Variants in SLCO1B1 observed in about 807,000 individuals in gnomAD.
SLCO1B1 encodes the protein OATP-2.
A neutral mutation model predicts 70.1 loss-of-function variants in SLCO1B1; 81 were observed. That is an observed-to-expected ratio of 1.16 (90% CI 0.97 to 1.39). SLCO1B1 has a LOEUF of 1.39. Ranked by LOEUF, SLCO1B1 falls within the 40% of genes most tolerant of loss-of-function variation. The pLI, the probability that SLCO1B1 is intolerant of heterozygous loss-of-function variation, is 0.00. For missense variants in SLCO1B1, 895 were observed against 799.6 expected (o/e 1.12, Z -1.44); for synonymous variants, 283 against 271.5 (o/e 1.04, Z -0.42).
chr12:21,217,584 C>T (rs1044519521), intron 12 of SLCO1B1, among the ~76,000 whole-genome samples: 4 of 152,022 alleles, frequency 2.6e-5, no homozygotes, highest in African/African-American at 9.7e-5. Flanking sequence ...AAAGAATCGC[C>T]CTAGGATCCT....
chr12:21,167,309 A>G (rs1940698370), intron 2 of SLCO1B1, among the ~76,000 whole-genome samples: 1 of 152,238 alleles, frequency 6.6e-6, no homozygotes. Context: ...AGCTGAGTAT[A>G]AAAGAACCTA....
chr12:21,223,168 T>G (rs1279500776), intron 13 of SLCO1B1, among the ~76,000 whole-genome samples: 2 of 152,180 alleles, frequency 1.3e-5, no homozygotes, highest in Admixed American at 6.5e-5. Flanking sequence ...GAGTAAAATT[T>G]TTTTTAGCAA....
intron 11 of SLCO1B1, among the ~76,000 whole-genome samples, chr12:21,214,427 C>A (rs535112414): frequency 6.8e-6 from 1 of 147,340 alleles, no homozygotes; most frequent in African/African-American, 2.6e-5. Context: ...GTTCTCAGAT[C>A]TCCAGCTGCG....
Position 21,172,903 on chromosome 12 carries a change from A to G in SLCO1B1, c.226+112A>G, listed in dbSNP as rs1218182782. On this transcript the variant is annotated intron_variant, in intron 3 of 14. Transcript: ENST00000256958. ...ATTTATCTCTCACAGGCAATTTGGC[A>G]ATAACTAAAAACATTTGTGGTTGTC... The G allele has an allele frequency of 5.0e-6, 5 of 997,386 alleles. 1 individual carries two copies. The highest frequency in any genetic ancestry group is 2.1e-5 in the Admixed American group (1 of 46,816). 61.8% of individuals were successfully genotyped at this position (997,386 alleles called of 1,614,324 possible).
chr12:21,209,186 C>T (rs982335503), intron 11 of SLCO1B1, among the ~76,000 whole-genome samples: 1 of 151,784 alleles, frequency 6.6e-6, no homozygotes, highest in Non-Finnish European at 1.5e-5. Context: ...TTAGGTATAT[C>T]TCCCAATGCT....
In SLCO1B1 at chr12:21,206,180, G is replaced by A. The variant is rs1325772281; in HGVS notation, c.1497+147G>A. On this transcript the variant is annotated intron_variant, in intron 11 of 14. Transcript: ENST00000256958. ...TATTATCTGTTATTGTGATGGGTGT[G>A]ATGTATAAACAAAGTTTTATATAAA... 6 of 679,006 alleles carry A rather than the reference G, an allele frequency of 8.8e-6. No homozygotes were observed. In the African/African-American group the frequency reaches 9.1e-5, roughly 10 times the overall value. 42.1% of individuals were successfully genotyped at this position (679,006 alleles called of 1,614,324 possible).
chr12:21,187,083 G>C lies in SLCO1B1; in HGVS notation c.727+8063G>C, dbSNP rs191803705. Reference sequence around the variant, plus strand: ...GCATGAGCAGGTTTTTAATGCAGATGAAAGTGTCCTATCCTGGGGAAAAGA... The same window carrying C: ...GCATGAGCAGGTTTTTAATGCAGATCAAAGTGTCCTATCCTGGGGAAAAGA... On this transcript the variant is annotated intron_variant, in intron 7 of 14. Transcript: ENST00000256958. Among the ~76,000 whole-genome samples, 319 of 152,240 alleles carry C rather than the reference G, an allele frequency of 2.1e-3. 1 individual carries two copies. Among genetic ancestry groups the C allele is most frequent in the African/African-American group, 7.3e-3 (304 of 41,542 alleles).
At position 21,222,331 on chromosome 12, in the gene SLCO1B1, C is replaced by T. The variant is rs1941431109; in HGVS notation, c.1714C>T (p.Leu572=). The change falls in exon 13 of 15, where the codon CTG becomes TTG. Residue 572 remains leucine, a synonymous_variant. Coordinates refer to ENST00000256958, the MANE Select transcript of SLCO1B1 (RefSeq NM_006446.5). ...IVQPELKSLA[L]GFHSMVIRAL... ...TCAACCTGAATTGAAATCACTTGCACTGGGTTTCCACTCAATGGTTATACG... is the reference window on the plus strand; with the variant it reads ...TCAACCTGAATTGAAATCACTTGCATTGGGTTTCCACTCAATGGTTATACG... The T allele has an allele frequency of 9.6e-7, 1 of 1,040,060 alleles. No homozygotes were observed. Among genetic ancestry groups the T allele is most frequent in the Non-Finnish European group, 1.3e-6 (1 of 765,824 alleles). 64.4% of individuals were successfully genotyped at this position (1,040,060 alleles called of 1,614,324 possible).
At chr12:21,208,733 G>A (rs938015732) in intron 11 of SLCO1B1, among the ~76,000 whole-genome samples, 1 of 152,040 alleles carries the variant, frequency 6.6e-6, no homozygotes, top group Non-Finnish European at 1.5e-5. Flanking sequence ...ACAGTTTAAT[G>A]ATAATTTTTC....
At position 21,230,412 on chromosome 12, in the gene SLCO1B1, C is replaced by A. The variant is rs573519664; in HGVS notation, c.1865+5573C>A. ...ATGGTGCGATCATGGCTCACCGCAA[C>A]CTCCGCTTCCCAGGTTCAAGCGATT... On this transcript the variant is annotated intron_variant, in intron 14 of 14. Coordinates refer to ENST00000256958, the MANE Select transcript of SLCO1B1 (RefSeq NM_006446.5). 2.8e-5 allele frequency among the ~76,000 whole-genome samples: 4 copies of A among 144,982 alleles called. No homozygotes were observed. The Admixed American group carries it at 2.9e-4, about 10-fold the overall frequency.
chr12:21,221,984 C>T (rs989156346), intron 12 of SLCO1B1, among the ~76,000 whole-genome samples: 2 of 151,832 alleles, frequency 1.3e-5, no homozygotes, highest in African/African-American at 4.8e-5. Flanking sequence ...GACTAGACCA[C>T]AAAAAATCAG....
At chr12:21,230,323 CTTTTTTTT>C (rs745494878) in intron 14 of SLCO1B1, among the ~76,000 whole-genome samples, 2 of 70,256 alleles carry the variant, frequency 2.8e-5, no homozygotes, top group African/African-American at 1.1e-4. Context: ...CTGTAGTATT[CTTTTTTTT>C]TTTTTTTTTT....
chr12:21,178,607 G>A lies in SLCO1B1; in HGVS notation c.513G>A (p.Trp171Ter), dbSNP rs909027126. The change falls in exon 6 of 15, where the codon TGG becomes TGA. Residue 171 changes from tryptophan (W) to a stop codon, truncating the protein, a stop_gained. Transcript: ENST00000256958. LOFTEE classifies it high-confidence loss of function. ...TAAAGGAATCTGGGTCATACATGTG[G>A]ATATATGTGTTCATGGGTAATATGC... ...GCLKESGSYM[W>*]IYVFMGNMLR... 1.9e-6 allele frequency: 3 copies of A among 1,608,174 alleles called. No homozygotes were observed. The highest frequency in any genetic ancestry group is 1.7e-4 in the Middle Eastern group (1 of 6,014).
chr12:21,208,547 G>T (rs1359624500), intron 11 of SLCO1B1, among the ~76,000 whole-genome samples: 2 of 152,006 alleles, frequency 1.3e-5, no homozygotes, highest in African/African-American at 4.8e-5. Context: ...AGTATAGTTT[G>T]ATATCAGGTA....
intron 11 of SLCO1B1, among the ~76,000 whole-genome samples, chr12:21,208,071 G>C (rs1240137563): frequency 6.6e-6 from 1 of 151,654 alleles, no homozygotes; most frequent in Non-Finnish European, 1.5e-5. Flanking sequence ...GTTTGCAAAG[G>C]TTTTCTCCCA....
At chr12:21,216,002 T>C (rs1941353470) in intron 11 of SLCO1B1, among the ~76,000 whole-genome samples, 1 of 152,142 alleles carries the variant, frequency 6.6e-6, no homozygotes, top group Non-Finnish European at 1.5e-5. Flanking sequence ...GCTCCCTCTT[T>C]GCACACTAGC....
intron 1 of SLCO1B1, among the ~76,000 whole-genome samples, chr12:21,138,212 C>T (rs1000219688): frequency 6.6e-6 from 1 of 152,136 alleles, no homozygotes; most frequent in African/African-American, 2.4e-5. Context: ...TTTGCCTAAA[C>T]CGGTTTTCTA....
At chr12:21,134,377 T>G (rs970040923) in intron 1 of SLCO1B1, among the ~76,000 whole-genome samples, 2 of 152,236 alleles carry the variant, frequency 1.3e-5, no homozygotes, top group Admixed American at 6.5e-5. Flanking sequence ...TCCCTCTTTT[T>G]CTATTGATTG....
In SLCO1B1 at chr12:21,238,748, T is replaced by C. The variant is rs79944102; in HGVS notation, c.1866-231T>C. 0.023 allele frequency among the ~76,000 whole-genome samples: 3,501 copies of C among 152,186 alleles called. 359 individuals are homozygous for C. In the East Asian group the frequency reaches 0.34, roughly 15 times the overall value. On this transcript the variant is annotated intron_variant, in intron 14 of 14. Coordinates refer to ENST00000256958, the MANE Select transcript of SLCO1B1 (RefSeq NM_006446.5). ...GGGCTTGAGTTGTATATTTTTCTCG[T>C]TTTATGAAGAAGGCCAGAGGCAACT...
Sources: gnomAD v4.1 joint callset for allele counts (sites outside exome capture counted in the v4.1 genomes callset) on GRCh38, gnomAD v4.1.1 for gene constraint, MANE v1.5 for transcripts, NCBI Gene and HGNC (gene_info 2026-07-23, HGNC 2026-07-21) for gene names.